Variants in MAP3K2 observed in about 807,000 individuals in gnomAD.
The protein encoded by MAP3K2 is mitogen-activated protein kinase kinase kinase 2.
A neutral mutation model predicts 80.3 loss-of-function variants in MAP3K2; 24 were observed. The ratio of observed to expected loss-of-function variants is 0.30; its 90% CI spans 0.22 to 0.42. MAP3K2 has a LOEUF of 0.42. Among genes scored for constraint, MAP3K2 ranks in the 10% least tolerant of loss-of-function variants. MAP3K2 has a pLI of 1.00. For missense variants in MAP3K2, 608 were observed against 750.1 expected, an observed-to-expected ratio of 0.81 and a Z score of 2.21; for synonymous variants, 244 against 253.7, an observed-to-expected ratio of 0.96 and a Z score of 0.36.
chr2:127,327,043 T>C (rs993579783), intron 7 of MAP3K2, among the ~76,000 whole-genome samples: 2 of 152,222 alleles, frequency 1.3e-5, no homozygotes, highest in African/African-American at 2.4e-5. Context: ...TATTCATTTA[T>C]ACTCACTAGG....
chr2:127,335,766 T>C, intron 5 of MAP3K2, 104 bp downstream of exon 5: 1 of 594,016 alleles, frequency 1.7e-6, no homozygotes, highest in Non-Finnish European at 3.0e-6. Context: ...ATACCATATA[T>C]TTATCAATCC....
upstream of MAP3K2, chr2:127,388,194 C>CTG (rs1243961328): frequency 8.2e-4 from 807 of 985,210 alleles, 1 homozygote; most frequent in Middle Eastern, 1.0e-3. Flanking sequence ...GGCCCCGCCC[C>CTG]CGCCCCTGCC....
At chr2:127,371,303 A>G (rs1240439390) in intron 1 of MAP3K2, among the ~76,000 whole-genome samples, 3 of 152,194 alleles carry the variant, frequency 2.0e-5, no homozygotes, top group Non-Finnish European at 4.4e-5. Context: ...AACAGCTGCT[A>G]TGCTCCAGGG....
In MAP3K2 at chr2:127,321,960, C is replaced by G; in HGVS notation, c.1045+86G>C. ...TGAGTAGTTCATCTGACCCCAAAAA[C>G]TCACTTAGTATTTATTCCTTTTAAT... On this transcript the variant is annotated intron_variant, in intron 12 of 16. Transcript: ENST00000682094. This position sits in a 1 kb window ranked among gnomAD's most constrained non-coding sequence, Gnocchi z 4.4. 8.2e-7 allele frequency: 1 copy of G among 1,213,276 alleles called. No individual in the cohort carries two copies. Among genetic ancestry groups the G allele is most frequent in the Non-Finnish European group, 1.2e-6 (1 of 849,948 alleles). The allele number at this position is 1,213,276 out of a possible 1,614,324, so 75.2% of individuals were successfully genotyped here. A position where few individuals can be genotyped will look rare whatever the true frequency, so the allele number is the denominator to read the frequency against.
In MAP3K2 at chr2:127,308,699, C is replaced by G. The variant is rs368309168; in HGVS notation, c.1520G>C (p.Arg507Pro). Reference protein sequence around the residue: ...VKLGDFGASKRLQTICLSGTG... With the variant: ...VKLGDFGASKPLQTICLSGTG... ...CCCTGAGAGACAGATGGTCTGAAGC[C>G]GTTTGCTGGCCCCAAAATCTCCTAG... Residue 507 changes from arginine to proline, a missense_variant, in exon 16 of 17, where the codon CGG (arginine) becomes CCG (proline). Physicochemically the swap from Arg to Pro is moderately radical, Grantham distance 103 (BLOSUM62 -2). Transcript: ENST00000682094. The G allele has an allele frequency of 1.2e-6, 2 of 1,613,780 alleles. No homozygotes were observed. The highest frequency in any genetic ancestry group is 1.7e-6 in the Non-Finnish European group (2 of 1,179,862).
At chr2:127,350,454 CAAAAAA>C (rs752516255) in intron 1 of MAP3K2, among the ~76,000 whole-genome samples, 4 of 99,406 alleles carry the variant, frequency 4.0e-5, no homozygotes, top group African/African-American at 7.9e-5. Context: ...AAAACAAAAA[CAAAAAA>C]AAAAAAAAAA....
rs183147151 is a variant in MAP3K2 at position 127,372,863 on chromosome 2, G to A, written c.-66+14589C>T. ...CAGCCCCTGGAATTCACCCATTTTC[G>A]TCATTCCCAAAAGGTCTGGTAAATG... On this transcript the variant is annotated intron_variant, in intron 1 of 16. Transcript: ENST00000682094. Among the ~76,000 whole-genome samples the A allele has an allele frequency of 1.4e-4, 21 of 152,230 alleles. No individual in the cohort carries two copies. In the East Asian group the frequency reaches 2.5e-3, roughly 18 times the overall value.
rs79135681 is a variant in MAP3K2 at position 127,322,212 on chromosome 2, G to C, written c.879C>G (p.Thr293=). The C allele has an allele frequency of 2.5e-6, 4 of 1,613,848 alleles. No homozygotes were observed. Among genetic ancestry groups the C allele is most frequent in the Non-Finnish European group, 3.4e-6 (4 of 1,179,838 alleles). Residue 293 remains threonine, a synonymous_variant, in exon 12 of 17, where the codon ACC becomes ACG. Coordinates refer to ENST00000682094, the MANE Select transcript of MAP3K2 (RefSeq NM_001371910.2). The surrounding 1 kb of genome is among the most constrained non-coding windows in gnomAD (Gnocchi z 4.2). ...TFPRARRTQG[T]SLRSPVSFSP... Reference sequence around the variant, plus strand: ...TGAAACTCACAGGAGACCGTAAGCTGGTCCCCTGGGTCCTTCTAGCTCTTG... The same window carrying C: ...TGAAACTCACAGGAGACCGTAAGCTCGTCCCCTGGGTCCTTCTAGCTCTTG...
intron 1 of MAP3K2, among the ~76,000 whole-genome samples, chr2:127,384,024 C>T (rs111292870): frequency 0.032 from 4,832 of 151,832 alleles, 119 homozygotes; most frequent in Middle Eastern, 0.061. Flanking sequence ...CAGGCACCCG[C>T]CACCATGCCC....
chr2:127,371,679 C>G (rs1276994333), intron 1 of MAP3K2, among the ~76,000 whole-genome samples: 1 of 152,116 alleles, frequency 6.6e-6, no homozygotes, highest in Non-Finnish European at 1.5e-5. Flanking sequence ...AAAATATTGG[C>G]TATGGCATTA....
chr2:127,374,992 T>A (rs1341671229), intron 1 of MAP3K2, among the ~76,000 whole-genome samples: 1 of 152,228 alleles, frequency 6.6e-6, no homozygotes, highest in Non-Finnish European at 1.5e-5. Flanking sequence ...CCTTAATTTT[T>A]AAAATTTAAA....
chr2:127,386,343 A>T (rs1198725541), intron 1 of MAP3K2, among the ~76,000 whole-genome samples: 1 of 152,250 alleles, frequency 6.6e-6, no homozygotes, highest in African/African-American at 2.4e-5. Flanking sequence ...AGCACTCCAT[A>T]CAAATGAAAA....
At chr2:127,376,554 C>A (rs115015627) in intron 1 of MAP3K2, among the ~76,000 whole-genome samples, 42 of 152,076 alleles carry the variant, frequency 2.8e-4, no homozygotes, top group Non-Finnish European at 8.8e-5. Context: ...CCAGGGTCTG[C>A]GGGTTGGACC....
chr2:127,307,301 A>G lies in MAP3K2; in HGVS notation c.*278T>C, dbSNP rs1685719707. 1 of 199,596 alleles carries G rather than the reference A, an allele frequency of 5.0e-6. No homozygotes were observed. Among genetic ancestry groups the G allele is most frequent in the East Asian group, 1.1e-4 (1 of 9,016 alleles). 12.4% of individuals were successfully genotyped at this position (199,596 alleles called of 1,614,324 possible). A position where few individuals can be genotyped will look rare whatever the true frequency, so the allele number is the denominator to read the frequency against. On this transcript the variant is annotated 3_prime_UTR_variant, in exon 17 of 17. Coordinates refer to ENST00000682094, the MANE Select transcript of MAP3K2 (RefSeq NM_001371910.2). The surrounding 1 kb of genome is among the most constrained non-coding windows in gnomAD (Gnocchi z 5.4). ...TTTGTTTGTACTAAAAAGAGTGACTATGTACTAAAGTGCTTTATCTCTCTG... is the reference window on the plus strand; with the variant it reads ...TTTGTTTGTACTAAAAAGAGTGACTGTGTACTAAAGTGCTTTATCTCTCTG...
At chr2:127,343,656 T>C (rs188579822) in intron 1 of MAP3K2, among the ~76,000 whole-genome samples, 6 of 152,036 alleles carry the variant, frequency 3.9e-5, no homozygotes, top group African/African-American at 1.4e-4. Context: ...GGGTATACAA[T>C]ATATAATAAT....
At position 127,323,942 on chromosome 2, in the gene MAP3K2, T is replaced by C. The variant is rs923265593; in HGVS notation, c.798A>G (p.Arg266=). Reference sequence around the variant, plus strand: ...GATGATGATATGAAACATGATACCTTCTTGGATATGTTCCTCCTTTTCCAA... The same window carrying C: ...GATGATGATATGAAACATGATACCTCCTTGGATATGTTCCTCCTTTTCCAA... ...EKFGKGGTYP[R]RYHVSYHHQE... The change falls in exon 11 of 17, where the codon AGA becomes AGG. Residue 266 remains arginine, a synonymous_variant. Transcript: ENST00000682094. The C allele has an allele frequency of 4.5e-6, 7 of 1,569,996 alleles. No homozygotes were observed. The highest frequency in any genetic ancestry group is 1.4e-5 in the African/African-American group (1 of 73,858).
intron 1 of MAP3K2, among the ~76,000 whole-genome samples, chr2:127,384,213 G>GATATATATATATATATATATAT (rs35560058): frequency 1.4e-4 from 20 of 144,448 alleles, no homozygotes; most frequent in Middle Eastern, 3.4e-3. Flanking sequence ...ATTTTTAATT[G>GATATATATATATATATATATAT]ATATATATAT....
At chr2:127,309,399 T>C (rs1573975970) in intron 15 of MAP3K2, among the ~76,000 whole-genome samples, 1 of 152,144 alleles carries the variant, frequency 6.6e-6, no homozygotes, top group African/African-American at 2.4e-5. Context: ...TACAGAATTA[T>C]TGCAAAGACA....
Position 127,329,962 on chromosome 2 carries a change from G to T in MAP3K2, c.425C>A (p.Thr142Lys). The T allele has an allele frequency of 6.2e-7, 1 of 1,609,474 alleles. No individual in the cohort carries two copies. The highest frequency in any genetic ancestry group is 8.5e-7 in the Non-Finnish European group (1 of 1,176,476). ...PLPSLEDLDN[T>K]VFGAERKKRL... ...TTTTTTCCTCTCTGCTCCAAATACT[G>T]TATTATCCAAATCTTCTAGTGATGG... The change falls in exon 7 of 17, where the codon ACA becomes AAA. Residue 142 changes from threonine to lysine, a missense_variant. Transcript: ENST00000682094.
Sources: gnomAD v4.1 joint callset for allele counts (sites outside exome capture counted in the v4.1 genomes callset) on GRCh38, gnomAD v4.1.1 for gene constraint, Gnocchi (gnomAD v3.1) non-coding constraint, MANE v1.5 for transcripts, NCBI Gene and HGNC (gene_info 2026-07-23, HGNC 2026-07-21) for gene names.